The following MBD5 variants were observed in gnomAD, a reference collection of about 807,000 sequenced individuals.
MBD5 encodes the protein methyl-CpG binding domain protein 5.
A neutral mutation model predicts 117.3 loss-of-function variants in MBD5; 13 were observed. The ratio of observed to expected loss-of-function variants is 0.11; its 90% confidence interval spans 0.07 to 0.18. The LOEUF (loss-of-function observed/expected upper bound fraction) is 0.18. Among genes scored for constraint, MBD5 ranks in the 10% least tolerant of loss-of-function variants. The pLI is 1.00. For missense variants in MBD5, 1,879 were observed against 2,093.8 expected (o/e 0.90, Z 2.00); for synonymous variants, 727 against 766.4 (o/e 0.95, Z 0.85).
intron 4 of MBD5, among the ~76,000 whole-genome samples, chr2:148,391,129 G>A (rs1704559807): frequency 6.6e-6 from 1 of 152,106 alleles, no homozygotes. Flanking sequence ...CCTAGTAATA[G>A]ATGAGACAAG....
chr2:148,055,824 C>T (rs981300963), intron 1 of MBD5: 1 of 152,124 alleles, frequency 6.6e-6, no homozygotes, highest in Non-Finnish European at 1.5e-5. Flanking sequence ...AGCTTCTGAA[C>T]TCACTATTGT....
At chr2:148,256,111 G>A (rs1184926674) in intron 3 of MBD5, among the ~76,000 whole-genome samples, 1 of 152,234 alleles carries the variant, frequency 6.6e-6, no homozygotes, top group Non-Finnish European at 1.5e-5. Flanking sequence ...CCTGGTCAAG[G>A]GCACTCACCC....
chr2:148,226,259 C>T (rs1333196875), intron 2 of MBD5, among the ~76,000 whole-genome samples: 1 of 152,028 alleles, frequency 6.6e-6, no homozygotes, highest in East Asian at 1.9e-4. Context: ...GCTATCCCTC[C>T]CCTCTCTCCC....
chr2:148,305,825 T>G (rs950777706), intron 3 of MBD5, among the ~76,000 whole-genome samples: 5 of 152,188 alleles, frequency 3.3e-5, no homozygotes, highest in African/African-American at 1.2e-4. Context: ...AGAGGAATTC[T>G]GGATCCCGTC....
intron 4 of MBD5, chr2:148,346,180 T>G (rs996049114): frequency 6.7e-6 from 1 of 148,316 alleles, no homozygotes; most frequent in Admixed American, 6.7e-5. Flanking sequence ...AAAAATAAAC[T>G]CTATTTGAAA....
chr2:148,446,549 A>C (rs1328161042), intron 4 of MBD5, among the ~76,000 whole-genome samples: 1 of 151,842 alleles, frequency 6.6e-6, no homozygotes. Flanking sequence ...CGTGGGATCT[A>C]ACACAGACCA....
In MBD5 at chr2:148,468,526, C is replaced by T. The variant is rs1168031087; in HGVS notation, c.583C>T (p.His195Tyr). Residue 195 changes from histidine to tyrosine, a missense_variant, in exon 8 of 14, where the codon CAC (histidine) becomes TAC (tyrosine). By Grantham distance (83) the His-to-Tyr change is moderately conservative. Around this residue, in one of 4 missense-constraint regions of MBD5, gnomAD observed 1,666 missense variants for 1,792.2 expected, o/e 0.93. Transcript: ENST00000642680. ...ELPGSQQQEL[H>Y]PVYPRQRLGS... ...GCCTGGAAGCCAACAACAAGAACTC[C>T]ACCCTGTCTACCCCCGACAGAGATT... 1.9e-6 allele frequency: 3 copies of T among 1,613,884 alleles called. No homozygotes were observed. Among genetic ancestry groups the T allele is most frequent in the East Asian group, 4.5e-5 (2 of 44,858 alleles).
chr2:148,262,521 T>C (rs1201554063), intron 3 of MBD5, among the ~76,000 whole-genome samples: 1 of 152,118 alleles, frequency 6.6e-6, no homozygotes, highest in Non-Finnish European at 1.5e-5. Flanking sequence ...AGCCACCCTA[T>C]AATACAGATG....
chr2:148,105,637 G>T (rs1696351395), intron 1 of MBD5, among the ~76,000 whole-genome samples: 1 of 151,446 alleles, frequency 6.6e-6, no homozygotes, highest in Admixed American at 6.6e-5. Context: ...TTTTTTCAGG[G>T]CCCGCTTTTA....
intron 4 of MBD5, among the ~76,000 whole-genome samples, chr2:148,441,602 A>C (rs993650034): frequency 5.9e-5 from 9 of 152,118 alleles, no homozygotes; most frequent in African/African-American, 1.7e-4. Flanking sequence ...ATGACTTATA[A>C]TCCTTTGGGT....
chr2:148,506,212 A>G (rs1682026341), intron 12 of MBD5, among the ~76,000 whole-genome samples: 1 of 152,240 alleles, frequency 6.6e-6, no homozygotes, highest in South Asian at 2.1e-4. Context: ...ATATTTATTT[A>G]ATACATTACT....
intron 3 of MBD5, among the ~76,000 whole-genome samples, chr2:148,283,991 C>G (rs1488760501): frequency 1.3e-5 from 2 of 152,170 alleles, no homozygotes; most frequent in Non-Finnish European, 2.9e-5. Flanking sequence ...TCACTAGTTT[C>G]TTTTGTACTC....
chr2:148,431,500 A>T (rs1186575918), intron 4 of MBD5, among the ~76,000 whole-genome samples: 1 of 152,012 alleles, frequency 6.6e-6, no homozygotes, highest in Non-Finnish European at 1.5e-5. Flanking sequence ...GGTAATAAGC[A>T]TACTACCTGA....
intron 4 of MBD5, among the ~76,000 whole-genome samples, chr2:148,419,042 A>G (rs1054063045): frequency 2.0e-5 from 3 of 152,212 alleles, no homozygotes; most frequent in Admixed American, 6.5e-5. Flanking sequence ...ATACAGACCA[A>G]TGGAACAGAA....
intron 1 of MBD5, among the ~76,000 whole-genome samples, chr2:148,133,595 G>A (rs567701154): frequency 3.2e-3 from 482 of 152,320 alleles, no homozygotes; most frequent in Middle Eastern, 0.014. Flanking sequence ...AAGCCAAGGC[G>A]GGTGGATCAC....
intron 3 of MBD5, among the ~76,000 whole-genome samples, chr2:148,336,635 C>T (rs909528017): frequency 1.3e-5 from 2 of 152,200 alleles, no homozygotes; most frequent in African/African-American, 4.8e-5. Flanking sequence ...AGTTCTCCCA[C>T]CTCAGCCTTC....
intron 2 of MBD5, among the ~76,000 whole-genome samples, chr2:148,185,154 G>T (rs1351845233): frequency 1.3e-5 from 2 of 152,144 alleles, no homozygotes; most frequent in Non-Finnish European, 2.9e-5. Context: ...AACTCCAATA[G>T]TTCATTTCCT....
At chr2:148,426,886 T>C (rs948491650) in intron 4 of MBD5, among the ~76,000 whole-genome samples, 2 of 151,968 alleles carry the variant, frequency 1.3e-5, no homozygotes, top group Non-Finnish European at 2.9e-5. Flanking sequence ...GGGAGAAAAT[T>C]TTTGCAATCT....
At chr2:148,453,858 A>C (rs2105501699) in intron 4 of MBD5, among the ~76,000 whole-genome samples, 1 of 152,202 alleles carries the variant, frequency 6.6e-6, no homozygotes, top group African/African-American at 2.4e-5. Flanking sequence ...ATCAGTTTCA[A>C]AAGTTTAAGA....
Sources: allele counts gnomAD v4.1 joint callset (sites outside exome capture counted in the v4.1 genomes callset), GRCh38; gene constraint gnomAD v4.1.1; regional missense constraint gnomAD v4.1.1; transcripts MANE v1.5; gene names NCBI Gene and HGNC (gene_info 2026-07-23, HGNC 2026-07-21).